The following EPHA5 variants were observed in gnomAD, a reference collection of about 807,000 sequenced individuals.
The protein encoded by EPHA5 is EPH receptor A5.
In EPHA5, 60 loss-of-function variants were observed where a neutral mutation model predicts 105.0. That is an observed-to-expected ratio of 0.57 (90% CI 0.46 to 0.71). The LOEUF (loss-of-function observed/expected upper bound fraction) is 0.71, where lower values mean the gene tolerates loss of function less well. Ranked by LOEUF, EPHA5 falls within the 30% of genes least tolerant of loss-of-function variation. The pLI, the probability that EPHA5 is intolerant of heterozygous loss-of-function variation, is 0.00. For missense variants in EPHA5, 1,218 were observed against 1,274.7 expected (o/e 0.96, Z 0.68); for synonymous variants, 513 against 449.1 (o/e 1.14, Z -1.80).
At chr4:65,655,772 A>G (rs1407946902) in intron 1 of EPHA5, among the ~76,000 whole-genome samples, 1 of 152,156 alleles carries the variant, frequency 6.6e-6, no homozygotes, top group Admixed American at 6.6e-5. Flanking sequence ...CAGACACAGC[A>G]TAATTAACAA....
intron 15 of EPHA5, among the ~76,000 whole-genome samples, chr4:65,333,184 C>T (rs1255594097): frequency 6.6e-6 from 1 of 150,514 alleles, no homozygotes; most frequent in Non-Finnish European, 1.5e-5. Flanking sequence ...ATTTACATGC[C>T]CATTATGTAA....
intron 3 of EPHA5, among the ~76,000 whole-genome samples, chr4:65,533,068 A>G (rs1735973135): frequency 6.6e-6 from 1 of 151,616 alleles, no homozygotes; most frequent in Admixed American, 6.6e-5. Context: ...TTTTTTTTTC[A>G]GTAACATCAC....
intron 2 of EPHA5, among the ~76,000 whole-genome samples, chr4:65,615,069 GT>G (rs1745109368): frequency 1.3e-5 from 2 of 151,824 alleles, no homozygotes; most frequent in South Asian, 4.1e-4. Flanking sequence ...GCTAAATTGT[GT>G]TTTGTTACAT....
chr4:65,349,274 T>A (rs887087142), intron 13 of EPHA5, among the ~76,000 whole-genome samples: 6 of 152,122 alleles, frequency 3.9e-5, no homozygotes, highest in Non-Finnish European at 7.4e-5. Context: ...AAATTAAAAA[T>A]TATTGAAATT....
At chr4:65,652,089 T>C (rs1199235140) in intron 1 of EPHA5, among the ~76,000 whole-genome samples, 1 of 152,198 alleles carries the variant, frequency 6.6e-6, no homozygotes, top group Non-Finnish European at 1.5e-5. Flanking sequence ...CATTAGATGA[T>C]ATAAGAAGCT....
intron 3 of EPHA5, among the ~76,000 whole-genome samples, chr4:65,581,876 A>G (rs1028609586): frequency 1.3e-5 from 2 of 151,826 alleles, no homozygotes; most frequent in East Asian, 1.9e-4. Context: ...AATTCTTTAC[A>G]CATAGACAAT....
At chr4:65,517,722 A>G (rs1194092119) in intron 3 of EPHA5, among the ~76,000 whole-genome samples, 1 of 151,824 alleles carries the variant, frequency 6.6e-6, no homozygotes, top group Non-Finnish European at 1.5e-5. Flanking sequence ...GTTATTCTTC[A>G]GGTGGAAAAC....
At chr4:65,358,726 G>A (rs1324919149) in intron 11 of EPHA5, among the ~76,000 whole-genome samples, 1 of 151,490 alleles carries the variant, frequency 6.6e-6, no homozygotes, top group Non-Finnish European at 1.5e-5. Flanking sequence ...GTTGGGACAA[G>A]TCCTTTGTAA....
chr4:65,413,410 T>A (rs1178516719), intron 7 of EPHA5, among the ~76,000 whole-genome samples: 4 of 152,170 alleles, frequency 2.6e-5, no homozygotes, highest in African/African-American at 9.6e-5. Flanking sequence ...TCAAAGGGGA[T>A]GTATAATATA....
intron 8 of EPHA5, among the ~76,000 whole-genome samples, chr4:65,367,696 C>A (rs376565120): frequency 3.3e-5 from 5 of 151,966 alleles, no homozygotes; most frequent in Admixed American, 6.6e-5. Context: ...TACTGTATAC[C>A]AGACATTGTT....
rs28669106 is a variant in EPHA5 at position 65,545,052 on chromosome 4, C to T, written c.911-49509G>A. Among the ~76,000 whole-genome samples, 371 of 151,574 alleles carry T rather than the reference C, an allele frequency of 2.4e-3. 2 individuals are homozygous for T. Among genetic ancestry groups the T allele is most frequent in the African/African-American group, 7.9e-3 (329 of 41,388 alleles). On this transcript the variant is annotated intron_variant, in intron 3 of 16. Transcript: ENST00000613740. ...ACAGAAAGTATATTCATTATGGAAA[C>T]GACTTTGTGGTCAGTAAACTACCAT...
chr4:65,514,497 G>C (rs1229420516), intron 3 of EPHA5, among the ~76,000 whole-genome samples: 1 of 152,128 alleles, frequency 6.6e-6, no homozygotes, highest in East Asian at 1.9e-4. Flanking sequence ...CCAACAATTA[G>C]AATGAACCTA....
chr4:65,331,656 G>A lies in EPHA5; in HGVS notation c.2945+317C>T, dbSNP rs756396645. The A allele has an allele frequency of 3.5e-5, 39 of 1,105,754 alleles. No homozygotes were observed. In the Middle Eastern group the frequency reaches 1.5e-3, roughly 44 times the overall value. 68.5% of individuals were successfully genotyped at this position (1,105,754 alleles called of 1,614,324 possible). A position where few individuals can be genotyped will look rare whatever the true frequency, so the allele number is the denominator to read the frequency against. On this transcript the variant is annotated intron_variant, in intron 16 of 16. Transcript: ENST00000613740. ...TTTGTATTTACATTCATATAACATA[G>A]ATACCAGTATAAAAAAACTTGTCAA...
intron 2 of EPHA5, among the ~76,000 whole-genome samples, chr4:65,607,491 CAAAA>C (rs71933682): frequency 0.5 from 75,676 of 151,458 alleles, 20,434 homozygotes; most frequent in Middle Eastern, 0.66. Flanking sequence ...AACAAACAAA[CAAAA>C]AAAAAAACAT....
intron 5 of EPHA5, among the ~76,000 whole-genome samples, chr4:65,463,235 C>T (rs949447155): frequency 2.0e-5 from 3 of 152,002 alleles, no homozygotes; most frequent in Non-Finnish European, 2.9e-5. Flanking sequence ...TTTGCAAAGC[C>T]GTTCAGCACA....
intron 3 of EPHA5, among the ~76,000 whole-genome samples, chr4:65,515,254 C>T (rs4860674): frequency 0.75 from 114,609 of 151,974 alleles, 43,361 homozygotes; most frequent in East Asian, 0.87. Flanking sequence ...ATCTTGTATT[C>T]AGGTAGTAGA....
intron 8 of EPHA5, 127 bp downstream of exon 8, chr4:65,404,247 A>C: frequency 1.5e-6 from 1 of 668,326 alleles, no homozygotes; most frequent in Non-Finnish European, 2.6e-6. Context: ...TGCATCATGT[A>C]TTGAGATTAT....
chr4:65,646,862 C>G (rs936588988), intron 1 of EPHA5, among the ~76,000 whole-genome samples: 2 of 152,034 alleles, frequency 1.3e-5, no homozygotes, highest in African/African-American at 4.8e-5. Context: ...CTATATAACA[C>G]CACTAAATTA....
chr4:65,632,281 G>A (rs1746709695), intron 2 of EPHA5, among the ~76,000 whole-genome samples: 1 of 151,948 alleles, frequency 6.6e-6, no homozygotes, highest in African/African-American at 2.4e-5. Flanking sequence ...TGGAGGAGTA[G>A]CCCCATTGTT....
Sources: allele counts gnomAD v4.1 joint callset (sites outside exome capture counted in the v4.1 genomes callset), GRCh38; gene constraint gnomAD v4.1.1; transcripts MANE v1.5; gene names NCBI Gene and HGNC (gene_info 2026-07-23, HGNC 2026-07-21).